Variants in USP24 observed in about 807,000 individuals in gnomAD.
USP24 encodes the protein ubiquitin carboxyl-terminal hydrolase 24.
Under a neutral mutation model 361.6 loss-of-function variants are expected in USP24, and 97 were observed. The observed-to-expected ratio is 0.27, with a 90% confidence interval of 0.23 to 0.32. The LOEUF (loss-of-function observed/expected upper bound fraction) is 0.32. Ranked by LOEUF, USP24 falls within the 10% of genes least tolerant of loss-of-function variation. The pLI is 1.00. For missense variants in USP24, 2,353 were observed against 3,165.6 expected, an observed-to-expected ratio of 0.74 and a Z score of 6.16; for synonymous variants, 1,098 against 1,124.6, an observed-to-expected ratio of 0.98 and a Z score of 0.47.
intron 38 of USP24, among the ~76,000 whole-genome samples, chr1:55,118,169 C>A (rs1007127671): frequency 6.6e-6 from 1 of 152,078 alleles, no homozygotes; most frequent in African/African-American, 2.4e-5. Context: ...CCAAATCAAT[C>A]CTGAAAAAGA....
chr1:55,085,209 A>C (rs1645226711), intron 56 of USP24, among the ~76,000 whole-genome samples: 1 of 152,202 alleles, frequency 6.6e-6, no homozygotes, highest in Non-Finnish European at 1.5e-5. Context: ...TAAGGGGCAT[A>C]TTTGACTGCC....
At chr1:55,077,101 A>G (rs572600657) in intron 62 of USP24, 134 bp downstream of exon 62, 18 of 826,160 alleles carry the variant, frequency 2.2e-5, no homozygotes, top group South Asian at 1.2e-4. Context: ...CATGACTGAC[A>G]CGAAGATTTG....
intron 1 of USP24, 29 bp from the exon 2 acceptor site, chr1:55,178,161 AAAT>A (rs2100825146): frequency 7.0e-7 from 1 of 1,435,802 alleles, no homozygotes; most frequent in Admixed American, 2.6e-5. Context: ...GATAAAAAGC[AAAT>A]AAAACTAATT....
At chr1:55,127,531 T>G (rs951944343) in intron 32 of USP24, among the ~76,000 whole-genome samples, 3 of 152,178 alleles carry the variant, frequency 2.0e-5, no homozygotes, top group African/African-American at 7.2e-5. Flanking sequence ...TAAACATACG[T>G]GTGCATGTGT....
chr1:55,150,932 T>C lies in USP24; in HGVS notation c.1861-2362A>G, dbSNP rs148319826. ...TGTCTAAATTGGACTCAACATTAGA[T>C]GAAGCCTTAGAGGTCAGTTGGTTTA... On this transcript the variant is annotated intron_variant, in intron 16 of 67. Transcript: ENST00000294383. Among the ~76,000 whole-genome samples, 74 of 152,330 alleles carry C rather than the reference T, an allele frequency of 4.9e-4. 1 individual carries two copies. Among genetic ancestry groups the C allele is most frequent in the African/African-American group, 1.7e-3 (70 of 41,586 alleles).
intron 54 of USP24, 69 bp from the exon 55 acceptor site, chr1:55,089,809 CTTG>C (rs983996224): frequency 2.7e-5 from 28 of 1,029,176 alleles, no homozygotes; most frequent in Non-Finnish European, 3.8e-5. Context: ...GCAGTGCACT[CTTG>C]TTGGTTCTTA....
At chr1:55,161,228 C>T (rs1312301859) in intron 8 of USP24, among the ~76,000 whole-genome samples, 2 of 151,618 alleles carry the variant, frequency 1.3e-5, no homozygotes, top group South Asian at 2.1e-4. Flanking sequence ...AAAAATTAGC[C>T]GGGCATGGTG....
At chr1:55,178,465 G>A (rs924061625) in intron 1 of USP24, among the ~76,000 whole-genome samples, 8 of 151,710 alleles carry the variant, frequency 5.3e-5, no homozygotes, top group Admixed American at 5.3e-4. Context: ...TCAGGAGATC[G>A]AGACCATCGT....
At chr1:55,111,888 C>G (rs958544138) in intron 38 of USP24, among the ~76,000 whole-genome samples, 1 of 151,822 alleles carries the variant, frequency 6.6e-6, no homozygotes, top group African/African-American at 2.4e-5. Flanking sequence ...GATACAGGGG[C>G]CAGAAATCTC....
At chr1:55,156,505 G>T (rs1179317037) in intron 12 of USP24, among the ~76,000 whole-genome samples, 4 of 152,034 alleles carry the variant, frequency 2.6e-5, no homozygotes, top group Non-Finnish European at 5.9e-5. Flanking sequence ...AAAAAAAATT[G>T]AAGACTATGT....
At chr1:55,113,523 C>A (rs1203470779) in intron 38 of USP24, among the ~76,000 whole-genome samples, 3 of 152,200 alleles carry the variant, frequency 2.0e-5, no homozygotes, top group African/African-American at 4.8e-5. Context: ...ACCTCCCTAA[C>A]TCATTTTATG....
chr1:55,208,805 A>G (rs1199133564), intron 1 of USP24, among the ~76,000 whole-genome samples: 3 of 150,508 alleles, frequency 2.0e-5, no homozygotes, highest in African/African-American at 4.9e-5. Context: ...GCGTGGTGGC[A>G]GGCGCCTGTA....
rs182548724 is a variant in USP24 at position 55,164,031 on chromosome 1, C to G, written c.928-1767G>C. Among the ~76,000 whole-genome samples, 6 of 152,140 alleles carry G rather than the reference C, an allele frequency of 3.9e-5. No homozygotes were observed. In the East Asian group the frequency reaches 1.2e-3, roughly 29 times the overall value. ...TACATGAAGACATATTTATAAGGAA[C>G]ACTCTCTATAATAGCAAAAACATAG... On this transcript the variant is annotated intron_variant, in intron 7 of 67. Transcript: ENST00000294383.
At chr1:55,136,642 T>A (rs2100666235) in intron 28 of USP24, among the ~76,000 whole-genome samples, 1 of 151,744 alleles carries the variant, frequency 6.6e-6, no homozygotes, top group Non-Finnish European at 1.5e-5. Context: ...GAAGGTGGAG[T>A]CAAGAATTTG....
At chr1:55,195,634 C>A (rs753116631) in intron 1 of USP24, among the ~76,000 whole-genome samples, 57 of 152,066 alleles carry the variant, frequency 3.7e-4, no homozygotes, top group Admixed American at 2.0e-4. Context: ...GGCAATCTTG[C>A]GACATACTAT....
chr1:55,159,059 A>G (rs1295479620), intron 9 of USP24, 23 bp from the exon 10 acceptor site: 5 of 1,441,178 alleles, frequency 3.5e-6, no homozygotes, highest in South Asian at 1.5e-5. Context: ...AAAAACAAAA[A>G]AACAAAAAAG....
At chr1:55,190,867 G>A (rs989228308) in intron 1 of USP24, among the ~76,000 whole-genome samples, 2 of 152,110 alleles carry the variant, frequency 1.3e-5, no homozygotes, top group African/African-American at 4.8e-5. Context: ...CCAGAGAGAA[G>A]ATTACAGATC....
chr1:55,106,339 T>C (rs1186890741), intron 40 of USP24, 76 bp from the exon 41 acceptor site: 1 of 1,210,392 alleles, frequency 8.3e-7, no homozygotes, highest in Non-Finnish European at 1.2e-6. Flanking sequence ...CACTTTCTTA[T>C]CAGAGCAGCA....
chr1:55,181,205 A>G (rs1279155732), intron 1 of USP24, among the ~76,000 whole-genome samples: 1 of 152,200 alleles, frequency 6.6e-6, no homozygotes, highest in Non-Finnish European at 1.5e-5. Flanking sequence ...GAAGAAAACT[A>G]ACTTCAATGC....
Sources: allele counts gnomAD v4.1 joint callset (sites outside exome capture counted in the v4.1 genomes callset), GRCh38; gene constraint gnomAD v4.1.1; transcripts MANE v1.5; gene names NCBI Gene and HGNC (gene_info 2026-07-23, HGNC 2026-07-21).